The following TAFA2 variants were observed in gnomAD, a reference collection of about 807,000 sequenced individuals.
TAFA2 encodes the protein chemokine-like protein TAFA-2.
TAFA2 carries 7 observed loss-of-function variants against 18.8 expected under a neutral mutation model. That is an observed-to-expected ratio of 0.37 (90% CI 0.21 to 0.70). TAFA2 has a LOEUF of 0.70. Among genes scored for constraint, TAFA2 ranks in the 30% least tolerant of loss-of-function variants. The pLI is 0.53. For synonymous variants in TAFA2, 60 were observed against 54.2 expected (o/e 1.11, Z -0.47); for missense variants, 122 against 158.1 (o/e 0.77, Z 1.23).
chr12:61,863,790 A>G lies in TAFA2; in HGVS notation c.106+3530T>C, dbSNP rs139909123. On this transcript the variant is annotated intron_variant, in intron 2 of 4. Transcript: ENST00000416284. The stretch of plus-strand genomic sequence containing the variant: ...ACAGTTCACAGGTGCCCCCTTCTTT[A>G]GAGACTTACCTTCTGCTAAAGATGA... 3.2e-3 allele frequency among the ~76,000 whole-genome samples: 491 copies of G among 152,186 alleles called. 7 individuals carry two copies. Among genetic ancestry groups the G allele is most frequent in the Admixed American group, 0.014 (219 of 15,282 alleles).
intron 2 of TAFA2, among the ~76,000 whole-genome samples, chr12:61,806,376 G>T (rs1871613871): frequency 6.6e-6 from 1 of 152,152 alleles, no homozygotes; most frequent in South Asian, 2.1e-4. Flanking sequence ...TGTAATATGT[G>T]CCTTTCACCT....
chr12:62,052,441 C>T (rs1436964895), intron 1 of TAFA2, among the ~76,000 whole-genome samples: 1 of 152,192 alleles, frequency 6.6e-6, no homozygotes, highest in African/African-American at 2.4e-5. Flanking sequence ...ATCTGCCCGC[C>T]TTGGCCTCCC....
chr12:62,094,654 T>C (rs187461140), intron 1 of TAFA2, among the ~76,000 whole-genome samples: 139 of 152,192 alleles, frequency 9.1e-4, no homozygotes, highest in Middle Eastern at 3.4e-3. Flanking sequence ...GCTTACTCTA[T>C]TTCAGATACT....
At chr12:62,135,208 G>A (rs1870847744) in intron 1 of TAFA2, among the ~76,000 whole-genome samples, 1 of 151,920 alleles carries the variant, frequency 6.6e-6, no homozygotes, top group Non-Finnish European at 1.5e-5. Flanking sequence ...TCCCTCTTTT[G>A]ATAAGACTGG....
At chr12:61,853,742 G>T (rs1488186300) in intron 2 of TAFA2, among the ~76,000 whole-genome samples, 1 of 152,138 alleles carries the variant, frequency 6.6e-6, no homozygotes, top group African/African-American at 2.4e-5. Flanking sequence ...TTTTTTGTTT[G>T]ATTGGAGGGT....
At chr12:61,905,529 A>AT (rs567699263) in intron 1 of TAFA2, among the ~76,000 whole-genome samples, 4 of 152,200 alleles carry the variant, frequency 2.6e-5, no homozygotes, top group Non-Finnish European at 4.4e-5. Flanking sequence ...TAGGTTTAAT[A>AT]TTTTTTGTAA....
intron 1 of TAFA2, among the ~76,000 whole-genome samples, chr12:62,257,144 A>G (rs990659670): frequency 1.1e-4 from 1 of 8,888 alleles, no homozygotes; most frequent in Admixed American, 9.2e-4. Flanking sequence ...GTACATGTGT[A>G]TATATATATA....
intron 2 of TAFA2, among the ~76,000 whole-genome samples, chr12:61,808,317 T>C (rs1309597282): frequency 6.6e-6 from 1 of 151,592 alleles, no homozygotes; most frequent in Non-Finnish European, 1.5e-5. Context: ...GCCATGATTA[T>C]GAGGCCTCCG....
intron 1 of TAFA2, among the ~76,000 whole-genome samples, chr12:61,885,134 C>G (rs780009311): frequency 1.3e-4 from 20 of 152,036 alleles, no homozygotes; most frequent in Non-Finnish European, 2.5e-4. Context: ...AATAAGAAAA[C>G]TGAGGCTCAG....
intron 2 of TAFA2, among the ~76,000 whole-genome samples, chr12:61,856,847 C>T (rs2121179954): frequency 6.6e-6 from 1 of 151,584 alleles, no homozygotes; most frequent in East Asian, 1.9e-4. Flanking sequence ...ATTATTTTTA[C>T]TAAAAATGAA....
intron 2 of TAFA2, among the ~76,000 whole-genome samples, chr12:61,856,281 TGTTA>T (rs1207179316): frequency 1.3e-5 from 2 of 152,018 alleles, no homozygotes; most frequent in African/African-American, 4.8e-5. Flanking sequence ...AACTACTGAC[TGTTA>T]ATTATTTATA....
At chr12:62,234,344 C>T (rs2062825728) in intron 1 of TAFA2, 10 of 551,868 alleles carry the variant, frequency 1.8e-5, no homozygotes, top group South Asian at 4.7e-5. Flanking sequence ...GAGCAGTTGC[C>T]AGGTCCAGTG....
At chr12:62,218,426 G>T (rs531014806) in intron 1 of TAFA2, among the ~76,000 whole-genome samples, 3 of 152,206 alleles carry the variant, frequency 2.0e-5, no homozygotes, top group African/African-American at 7.2e-5. Context: ...TGATCAGTTG[G>T]GTAGGCTCAC....
At chr12:61,795,278 C>T (rs1386411887) in intron 2 of TAFA2, among the ~76,000 whole-genome samples, 3 of 152,150 alleles carry the variant, frequency 2.0e-5, no homozygotes, top group Non-Finnish European at 4.4e-5. Context: ...GACACATGCA[C>T]ACGTATGTTT....
chr12:61,845,712 C>T (rs902556293), intron 2 of TAFA2, among the ~76,000 whole-genome samples: 1 of 152,132 alleles, frequency 6.6e-6, no homozygotes, highest in Non-Finnish European at 1.5e-5. Flanking sequence ...TTTGGACTTA[C>T]AGCCACATAT....
intron 4 of TAFA2, among the ~76,000 whole-genome samples, chr12:61,750,629 A>G (rs1301154930): frequency 2.6e-5 from 4 of 152,142 alleles, no homozygotes; most frequent in African/African-American, 7.2e-5. Flanking sequence ...TTTGTAGTCA[A>G]TTCGGGAAGG....
At chr12:61,783,962 A>C (rs1405723338) in intron 2 of TAFA2, among the ~76,000 whole-genome samples, 1 of 151,576 alleles carries the variant, frequency 6.6e-6, no homozygotes, top group Non-Finnish European at 1.5e-5. Flanking sequence ...CAGCACAATC[A>C]ACATCAGATG....
chr12:61,775,010 C>G (rs546480245), intron 2 of TAFA2, among the ~76,000 whole-genome samples: 100 of 151,742 alleles, frequency 6.6e-4, no homozygotes, highest in South Asian at 2.5e-3. Flanking sequence ...GGAGCCAAAC[C>G]ATTTAGCAAA....
intron 1 of TAFA2, among the ~76,000 whole-genome samples, chr12:61,931,596 T>TG (rs1486256656): frequency 2.0e-5 from 3 of 152,224 alleles, no homozygotes; most frequent in Non-Finnish European, 4.4e-5. Context: ...ATCCTGTATC[T>TG]GTTCTGCTTC....
Sources: allele counts gnomAD v4.1 joint callset (sites outside exome capture counted in the v4.1 genomes callset), GRCh38; gene constraint gnomAD v4.1.1; transcripts MANE v1.5; gene names NCBI Gene and HGNC (gene_info 2026-07-23, HGNC 2026-07-21).